The following MAGI2 variants were observed in gnomAD, a reference collection of about 807,000 sequenced individuals.
MAGI2 encodes membrane associated guanylate kinase, WW and PDZ domain containing 2.
Under a neutral mutation model 133.3 loss-of-function variants are expected in MAGI2, and 35 were observed. The observed-to-expected ratio is 0.26, with a 90% CI of 0.20 to 0.35. MAGI2 has a LOEUF of 0.35. Among genes scored for constraint, MAGI2 ranks in the 10% least tolerant of loss-of-function variants. The probability of loss-of-function intolerance (pLI) is 1.00; values close to 1 mark genes in which losing one functional copy is unlikely to be tolerated. For synonymous variants in MAGI2, 729 were observed against 710.6 expected, an observed-to-expected ratio of 1.03 and a Z score of -0.41; for missense variants, 1,636 against 1,863.4, an observed-to-expected ratio of 0.88 and a Z score of 2.25.
intron 3 of MAGI2, among the ~76,000 whole-genome samples, chr7:78,626,450 T>A (rs1044921031): frequency 6.6e-6 from 1 of 152,192 alleles, no homozygotes; most frequent in Admixed American, 6.5e-5. Context: ...TTAATTTTTA[T>A]AGCAGATAAA....
At chr7:79,101,679 G>T (rs1370543766) in intron 1 of MAGI2, among the ~76,000 whole-genome samples, 1 of 143,842 alleles carries the variant, frequency 7.0e-6, no homozygotes, top group Non-Finnish European at 1.5e-5. Context: ...AGCCGAGATC[G>T]CGCCACCGCA....
chr7:79,248,514 T>A (rs1354595619), intron 1 of MAGI2, among the ~76,000 whole-genome samples: 3 of 152,164 alleles, frequency 2.0e-5, no homozygotes, highest in African/African-American at 7.2e-5. Context: ...ATAGACCGAA[T>A]GGACTTATAT....
intron 21 of MAGI2, chr7:78,035,186 G>C (rs555545468): frequency 6.5e-6 from 1 of 153,982 alleles, no homozygotes; most frequent in East Asian, 1.9e-4. Context: ...GATGAGATGA[G>C]GAGCCACGGT....
chr7:78,753,216 A>G (rs376160654), intron 2 of MAGI2, among the ~76,000 whole-genome samples: 1 of 152,056 alleles, frequency 6.6e-6, no homozygotes, highest in African/African-American at 2.4e-5. Context: ...TATAATTATG[A>G]TCAAGGACAT....
At chr7:78,661,899 T>C (rs1318982123) in intron 2 of MAGI2, among the ~76,000 whole-genome samples, 1 of 152,126 alleles carries the variant, frequency 6.6e-6, no homozygotes, top group Non-Finnish European at 1.5e-5. Context: ...GAGTCTACAC[T>C]TCAGAAGAAC....
In MAGI2 at chr7:78,226,959, T is replaced by C. The variant is rs112543573; in HGVS notation, c.2048-25766A>G. ...GTTGGGACATGCATGATTAAATGCATGGGTTTTAAAATCAGATTTTAGTTT... is the reference window on the plus strand; with the variant it reads ...GTTGGGACATGCATGATTAAATGCACGGGTTTTAAAATCAGATTTTAGTTT... On this transcript the variant is annotated intron_variant, in intron 10 of 21. Coordinates refer to ENST00000354212, the MANE Select transcript of MAGI2 (RefSeq NM_012301.4). Among the ~76,000 whole-genome samples the C allele has an allele frequency of 3.1e-3, 467 of 152,268 alleles. 2 individuals are homozygous for C. The highest frequency in any genetic ancestry group is 0.011 in the African/African-American group (440 of 41,544).
intron 2 of MAGI2, among the ~76,000 whole-genome samples, chr7:78,911,741 T>G (rs1475996461): frequency 6.6e-6 from 1 of 152,100 alleles, no homozygotes; most frequent in Admixed American, 6.6e-5. Flanking sequence ...CATGTGAAGG[T>G]TTGTTCCATA....
rs1227727194 is a variant in MAGI2 at position 78,827,973 on chromosome 7, C to T, written c.418+179117G>A. ...GATCTTAGCTCACTGCAACCTCCGC[C>T]TCCCAGGTTCAAGTGATTCTCCTGC... On this transcript the variant is annotated intron_variant, in intron 2 of 21. Transcript: ENST00000354212. Among the ~76,000 whole-genome samples the T allele has an allele frequency of 2.0e-5, 3 of 152,314 alleles. 1 individual carries two copies. Among genetic ancestry groups the T allele is most frequent in the South Asian group, 4.1e-4 (2 of 4,830 alleles).
At chr7:79,248,496 T>A (rs950639532) in intron 1 of MAGI2, among the ~76,000 whole-genome samples, 1 of 152,168 alleles carries the variant, frequency 6.6e-6, no homozygotes, top group Non-Finnish European at 1.5e-5. Flanking sequence ...TCAGACTTAA[T>A]CTGCACTATA....
intron 3 of MAGI2, among the ~76,000 whole-genome samples, chr7:78,548,841 AG>A (rs1425811347): frequency 3.3e-5 from 5 of 152,226 alleles, no homozygotes; most frequent in Non-Finnish European, 1.5e-5. Flanking sequence ...TCTTTGATTT[AG>A]ATGTTAACTA....
intron 2 of MAGI2, among the ~76,000 whole-genome samples, chr7:78,840,694 C>T (rs561474687): frequency 1.8e-4 from 28 of 151,984 alleles, no homozygotes; most frequent in African/African-American, 6.7e-4. Context: ...TGAATGTTAC[C>T]AACATCAAAG....
At chr7:78,385,363 G>C (rs1795284166) in intron 6 of MAGI2, among the ~76,000 whole-genome samples, 2 of 152,114 alleles carry the variant, frequency 1.3e-5, no homozygotes, top group South Asian at 4.1e-4. Flanking sequence ...TCCAGGTGGA[G>C]ATAATATATA....
chr7:78,362,884 A>G (rs1792970273), intron 7 of MAGI2, among the ~76,000 whole-genome samples: 1 of 152,212 alleles, frequency 6.6e-6, no homozygotes, highest in African/African-American at 2.4e-5. Context: ...AAATGGCATC[A>G]GCATCGCTTC....
At chr7:78,536,392 G>C (rs1302947803) in intron 3 of MAGI2, among the ~76,000 whole-genome samples, 2 of 151,982 alleles carry the variant, frequency 1.3e-5, no homozygotes, top group Non-Finnish European at 2.9e-5. Context: ...GATTACAGGC[G>C]TGAGCCACCG....
At chr7:78,905,257 G>A (rs1797909895) in intron 2 of MAGI2, among the ~76,000 whole-genome samples, 1 of 152,150 alleles carries the variant, frequency 6.6e-6, no homozygotes, top group Non-Finnish European at 1.5e-5. Flanking sequence ...GCAATTTTCA[G>A]TAATGACACC....
chr7:78,832,591 C>T (rs533045837), intron 2 of MAGI2, among the ~76,000 whole-genome samples: 28 of 152,146 alleles, frequency 1.8e-4, no homozygotes, highest in African/African-American at 3.4e-4. Flanking sequence ...TTATAAGCTT[C>T]GGCTTCTGTT....
chr7:78,346,115 T>C (rs756422659), intron 7 of MAGI2, 72 bp from the exon 8 acceptor site: 23 of 1,558,394 alleles, frequency 1.5e-5, no homozygotes, highest in Non-Finnish European at 2.0e-5. Flanking sequence ...TATGGCTCTA[T>C]GGAGAGCAGG....
intron 2 of MAGI2, 53 bp downstream of exon 2, chr7:79,007,037 G>C: frequency 1.6e-6 from 2 of 1,280,628 alleles, no homozygotes; most frequent in Non-Finnish European, 2.2e-6. Context: ...TGAATATATA[G>C]CTAAACATTT....
intron 2 of MAGI2, among the ~76,000 whole-genome samples, chr7:78,859,640 T>C (rs545600638): frequency 6.6e-6 from 1 of 152,106 alleles, no homozygotes; most frequent in South Asian, 2.1e-4. Context: ...CCTTTGTGGG[T>C]AACCCGACCT....
Sources: gnomAD v4.1 joint callset for allele counts (sites outside exome capture counted in the v4.1 genomes callset) on GRCh38, gnomAD v4.1.1 for gene constraint, MANE v1.5 for transcripts, NCBI Gene and HGNC (gene_info 2026-07-23, HGNC 2026-07-21) for gene names.